The following TMED7 variants were observed in gnomAD, a reference collection of about 807,000 sequenced individuals.
TMED7 encodes transmembrane p24 trafficking protein 7.
A neutral mutation model predicts 23.4 loss-of-function variants in TMED7; 8 were observed. The ratio of observed to expected loss-of-function variants is 0.34; its 90% CI spans 0.20 to 0.62. TMED7 has a LOEUF of 0.62. Ranked by LOEUF, TMED7 falls within the 20% of genes least tolerant of loss-of-function variation. TMED7 has a pLI of 0.77. For missense variants in TMED7, 232 were observed against 279.1 expected, an observed-to-expected ratio of 0.83 and a Z score of 1.20; for synonymous variants, 121 against 108.5, an observed-to-expected ratio of 1.12 and a Z score of -0.72.
Position 115,614,821 on chromosome 5 carries a change from A to C in TMED7, c.*1388T>G, listed in dbSNP as rs911351708. 1.3e-5 allele frequency: 2 copies of C among 151,944 alleles called. No homozygotes were observed. Among genetic ancestry groups the C allele is most frequent in the Non-Finnish European group, 2.9e-5 (2 of 67,928 alleles). 9.4% of individuals were successfully genotyped at this position (151,944 alleles called of 1,614,324 possible). A position where few individuals can be genotyped will look rare whatever the true frequency, so the allele number is the denominator to read the frequency against. ...AGGATGGCTATCCAATCAGTATTCT[A>C]TGGTATCACATACCAAAGTCTCTAC... On this transcript the variant is annotated 3_prime_UTR_variant, in exon 3 of 3. Coordinates refer to ENST00000456936, the MANE Select transcript of TMED7 (RefSeq NM_181836.6).
chr5:115,625,590 GC>G lies in TMED7; in HGVS notation c.192+10del, dbSNP rs1312886802. On this transcript the variant is annotated intron_variant, in intron 1 of 2. Transcript: ENST00000456936. ...CGAGTTGGGGCCCAGGGACTGCTAG[GC>G]CCCTGATACCTGGAACTCCAGGGTG... The G allele has an allele frequency of 1.3e-6, 2 of 1,564,040 alleles. No individual in the cohort carries two copies. Among genetic ancestry groups the G allele is most frequent in the African/African-American group, 1.4e-5 (1 of 71,460 alleles).
chr5:115,624,529 C>T (rs1222536213), intron 1 of TMED7, among the ~76,000 whole-genome samples: 1 of 152,172 alleles, frequency 6.6e-6, no homozygotes, highest in Non-Finnish European at 1.5e-5. Context: ...AGAATATTCT[C>T]GTCATATCAC....
intron 1 of TMED7, among the ~76,000 whole-genome samples, chr5:115,620,946 C>A (rs1757007640): frequency 1.3e-5 from 2 of 152,164 alleles, no homozygotes; most frequent in Non-Finnish European, 2.9e-5. Context: ...ACTTAATTCT[C>A]CCAGCAACCC....
chr5:115,622,822 G>A lies in TMED7; in HGVS notation c.193-2142C>T, dbSNP rs144321049. 4.8e-3 allele frequency among the ~76,000 whole-genome samples: 723 copies of A among 152,168 alleles called. 5 individuals carry two copies. The highest frequency in any genetic ancestry group is 0.017 in the African/African-American group (689 of 41,520). On this transcript the variant is annotated intron_variant, in intron 1 of 2. Coordinates refer to ENST00000456936, the MANE Select transcript of TMED7 (RefSeq NM_181836.6). The stretch of plus-strand genomic sequence containing the variant: ...ACCTCTTTTATTCACACCCTTACTC[G>A]TTCTATGTTCCTAAAATACCAGACT...
chr5:115,619,315 A>T (rs1403551865), intron 2 of TMED7: 1 of 152,214 alleles, frequency 6.6e-6, no homozygotes, highest in Non-Finnish European at 1.5e-5. Context: ...GCTAATTCTA[A>T]CAACAGGTTT....
At position 115,625,721 on chromosome 5, in the gene TMED7, C is replaced by T; in HGVS notation, c.72G>A (p.Leu24=). 1 of 1,595,032 alleles carries T rather than the reference C, an allele frequency of 6.3e-7. No individual in the cohort carries two copies. Among genetic ancestry groups the T allele is most frequent in the Non-Finnish European group, 8.5e-7 (1 of 1,172,386 alleles). ...AGRWGCRLLA[L]LLLVPGPGGA... is the part of the protein sequence containing the mutation. ...CGCCGGGTCCAGGCACCAGTAGCAG[C>T]AGTGCGAGCAGCCTGCACCCCCAAC... The change falls in exon 1 of 3, where the codon CTG becomes CTA. Residue 24 remains leucine (L), a synonymous_variant. Transcript: ENST00000456936.
chr5:115,624,104 TGTA>T (rs997326159), intron 1 of TMED7, among the ~76,000 whole-genome samples: 15 of 152,212 alleles, frequency 9.9e-5, no homozygotes, highest in Non-Finnish European at 1.5e-5. Flanking sequence ...TGTTAGCCAT[TGTA>T]GTAGTATCCT....
Position 115,614,563 on chromosome 5 carries a change from A to C in TMED7, c.*1646T>G, listed in dbSNP as rs903846804. The stretch of plus-strand genomic sequence containing the variant: ...CAAAAACCCAAATTGATAAATCTGC[A>C]AAATCTTAAACTTCTTAATCCATTG... On this transcript the variant is annotated 3_prime_UTR_variant, in exon 3 of 3. Coordinates refer to ENST00000456936, the MANE Select transcript of TMED7 (RefSeq NM_181836.6). 7 of 152,474 alleles carry C rather than the reference A, an allele frequency of 4.6e-5. No homozygotes were observed. Among genetic ancestry groups the C allele is most frequent in the African/African-American group, 1.4e-4 (6 of 41,458 alleles). The allele number at this position is 152,474 out of a possible 1,614,324, so 9.4% of individuals were successfully genotyped here.
chr5:115,619,695 C>T (rs935281293), intron 2 of TMED7, among the ~76,000 whole-genome samples: 6 of 152,028 alleles, frequency 3.9e-5, no homozygotes, highest in African/African-American at 1.4e-4. Context: ...ATGATATTTT[C>T]AATGATGTGT....
chr5:115,617,267 T>C (rs1756806405), intron 2 of TMED7, among the ~76,000 whole-genome samples: 1 of 152,240 alleles, frequency 6.6e-6, no homozygotes, highest in South Asian at 2.1e-4. Context: ...TGTTTTATTA[T>C]TATTTTATGC....
chr5:115,618,682 G>A (rs956291643), intron 2 of TMED7, among the ~76,000 whole-genome samples: 2 of 152,114 alleles, frequency 1.3e-5, no homozygotes. Flanking sequence ...TCAATGTTGT[G>A]TACTTCTTAC....
At chr5:115,621,623 AGAG>A (rs1246733685) in intron 1 of TMED7, among the ~76,000 whole-genome samples, 7 of 152,184 alleles carry the variant, frequency 4.6e-5, no homozygotes, top group Non-Finnish European at 2.9e-5. Context: ...TGGGTTGTAC[AGAG>A]GAGGGAGAGA....
intron 2 of TMED7, among the ~76,000 whole-genome samples, chr5:115,619,495 C>T (rs1300092675): frequency 6.6e-6 from 1 of 152,068 alleles, no homozygotes; most frequent in Non-Finnish European, 1.5e-5. Context: ...ACGATCTAAG[C>T]CCATACAGGT....
chr5:115,621,796 C>T (rs1157827469), intron 1 of TMED7, among the ~76,000 whole-genome samples: 2 of 152,086 alleles, frequency 1.3e-5, no homozygotes, highest in Non-Finnish European at 2.9e-5. Flanking sequence ...ATGAAGGGTT[C>T]CCAAACCACC....
intron 1 of TMED7, among the ~76,000 whole-genome samples, chr5:115,622,151 C>A (rs372352462): frequency 6.6e-6 from 1 of 152,102 alleles, no homozygotes; most frequent in Non-Finnish European, 1.5e-5. Flanking sequence ...CTGAATTATA[C>A]GTATTTGACC....
At chr5:115,618,035 G>A (rs937866166) in intron 2 of TMED7, among the ~76,000 whole-genome samples, 8 of 152,086 alleles carry the variant, frequency 5.3e-5, no homozygotes, top group Admixed American at 5.2e-4. Context: ...CTCATGATCC[G>A]CCCGCCTCGG....
chr5:115,624,417 C>T (rs1438349905), intron 1 of TMED7, among the ~76,000 whole-genome samples: 1 of 152,160 alleles, frequency 6.6e-6, no homozygotes, highest in Non-Finnish European at 1.5e-5. Context: ...CATTTCTTGT[C>T]TAGACCACCA....
At chr5:115,625,474 A>G (rs1455795242) in intron 1 of TMED7, 127 bp downstream of exon 1, 1 of 1,145,254 alleles carries the variant, frequency 8.7e-7, no homozygotes, top group Non-Finnish European at 1.2e-6. Flanking sequence ...GGCATCAGCT[A>G]CCTAGAAGCG....
rs1756634768 is a variant in TMED7, at chr5:115,614,848, A to G, written c.*1361T>C. The G allele has an allele frequency of 6.6e-6, 1 of 152,034 alleles. No homozygotes were observed. 9.4% of individuals were successfully genotyped at this position (152,034 alleles called of 1,614,324 possible). On this transcript the variant is annotated 3_prime_UTR_variant, in exon 3 of 3. Coordinates refer to ENST00000456936, the MANE Select transcript of TMED7 (RefSeq NM_181836.6). ...GGTATCACATACCAAAGTCTCTACA[A>G]TATGACAGTCTTGTCTTGTTCAGAA...
Sources: gnomAD v4.1 joint callset for allele counts (sites outside exome capture counted in the v4.1 genomes callset) on GRCh38, gnomAD v4.1.1 for gene constraint, MANE v1.5 for transcripts, NCBI Gene and HGNC (gene_info 2026-07-23, HGNC 2026-07-21) for gene names.